Variants in CADPS2 observed in about 807,000 individuals in gnomAD.
The protein encoded by CADPS2 is calcium dependent secretion activator 2, also known as calcium-dependent secretion activator 2.
CADPS2 carries 93 observed loss-of-function variants against 172.5 expected under a neutral mutation model. That is an observed-to-expected ratio of 0.54 (90% CI 0.46 to 0.64). CADPS2 has a LOEUF of 0.64. Among genes scored for constraint, CADPS2 ranks in the 30% least tolerant of loss-of-function variants. The probability of loss-of-function intolerance (pLI) is 0.00; values close to 1 mark genes in which losing one functional copy is unlikely to be tolerated. For missense variants in CADPS2, 1,420 were observed against 1,565.9 expected, an observed-to-expected ratio of 0.91 and a Z score of 1.57; for synonymous variants, 546 against 555.2, an observed-to-expected ratio of 0.98 and a Z score of 0.23.
At position 122,325,463 on chromosome 7, in the gene CADPS2, C is replaced by T. The variant is rs373764661; in HGVS notation, c.3717+14G>A. 28 of 1,548,310 alleles carry T rather than the reference C, an allele frequency of 1.8e-5. No homozygotes were observed. The Admixed American group carries it at 4.0e-4, about 22-fold the overall frequency. ...GCTTAGTGGGCAATTCATATCTAAA[C>T]ACATTTTGTTTACCTTCACAATCTT... is the stretch of plus-strand genomic sequence containing the variant. On this transcript the variant is annotated intron_variant, in intron 29 of 29. Coordinates refer to ENST00000449022, the MANE Select transcript of CADPS2 (RefSeq NM_017954.11).
At chr7:122,805,059 A>G (rs1375345505) in intron 1 of CADPS2, among the ~76,000 whole-genome samples, 1 of 152,190 alleles carries the variant, frequency 6.6e-6, no homozygotes, top group African/African-American at 2.4e-5. Flanking sequence ...ATTAACTACA[A>G]GTTTCTTAAG....
At chr7:122,398,959 T>C (rs555111970) in intron 20 of CADPS2, among the ~76,000 whole-genome samples, 2 of 152,274 alleles carry the variant, frequency 1.3e-5, no homozygotes, top group African/African-American at 2.4e-5. Flanking sequence ...CTGGATTCTA[T>C]TGTCCTTTTA....
Position 122,451,376 on chromosome 7 carries a change from G to C in CADPS2, c.2286C>G (p.Phe762Leu). ...TATATTAATAAAAAAATATATACCT[G>C]AAATGGCTTATCTGATTTTCTAAAA... Reference protein sequence around the residue: ...SSLLENQISHFRYCFPFGRPE... With the variant: ...SSLLENQISHLRYCFPFGRPE... Residue 762 changes from phenylalanine (F) to leucine (L), a missense_variant and splice_region_variant, in exon 15 of 30, where the codon TTC becomes TTG. Coordinates refer to ENST00000449022, the MANE Select transcript of CADPS2 (RefSeq NM_017954.11). 3 of 1,442,186 alleles carry C rather than the reference G, an allele frequency of 2.1e-6. No homozygotes were observed. Among genetic ancestry groups the C allele is most frequent in the East Asian group, 2.4e-5 (1 of 42,214 alleles). 89.3% of individuals were successfully genotyped at this position (1,442,186 alleles called of 1,614,324 possible).
At chr7:122,491,481 GT>G (rs902401244) in intron 9 of CADPS2, 61 bp from the exon 10 acceptor site, 38 of 805,050 alleles carry the variant, frequency 4.7e-5, no homozygotes, top group Middle Eastern at 2.3e-4. Context: ...TTTAACTTTC[GT>G]TTTTTTATCA....
intron 6 of CADPS2, among the ~76,000 whole-genome samples, chr7:122,582,057 C>G (rs1322823138): frequency 6.6e-6 from 1 of 151,812 alleles, no homozygotes; most frequent in East Asian, 1.9e-4. Flanking sequence ...TCTCACAACT[C>G]TGAGAGATCA....
chr7:122,677,281 G>A (rs1274131168), intron 2 of CADPS2, among the ~76,000 whole-genome samples: 1 of 152,206 alleles, frequency 6.6e-6, no homozygotes, highest in Non-Finnish European at 1.5e-5. Context: ...CTTCCCTGAG[G>A]AGGTGAGCAG....
At chr7:122,368,967 A>C (rs896582164) in intron 25 of CADPS2, among the ~76,000 whole-genome samples, 1 of 152,178 alleles carries the variant, frequency 6.6e-6, no homozygotes, top group Non-Finnish European at 1.5e-5. Context: ...CTAGAATCCA[A>C]CTTTTCTGAT....
chr7:122,873,830 CTAT>C (rs1284184599), intron 1 of CADPS2, among the ~76,000 whole-genome samples: 1 of 152,138 alleles, frequency 6.6e-6, no homozygotes, highest in African/African-American at 2.4e-5. Context: ...TCTCCAACAT[CTAT>C]TGTTTCCTTT....
chr7:122,748,017 G>T (rs1448748750), intron 1 of CADPS2, among the ~76,000 whole-genome samples: 1 of 152,120 alleles, frequency 6.6e-6, no homozygotes, highest in African/African-American at 2.4e-5. Flanking sequence ...CTAGGATGCA[G>T]ATTTCTTCAA....
At chr7:122,501,774 C>G (rs2059220615) in intron 9 of CADPS2, among the ~76,000 whole-genome samples, 1 of 148,712 alleles carries the variant, frequency 6.7e-6, no homozygotes, top group Non-Finnish European at 1.5e-5. Flanking sequence ...ACTCGGGAGG[C>G]TGAGGCAGGA....
intron 2 of CADPS2, among the ~76,000 whole-genome samples, chr7:122,726,881 A>G (rs567976535): frequency 1.3e-5 from 2 of 152,108 alleles, no homozygotes; most frequent in African/African-American, 4.8e-5. Context: ...AGCTGACAAG[A>G]TAAAGTAAAA....
At chr7:122,343,374 G>A (rs1331505244) in intron 28 of CADPS2, among the ~76,000 whole-genome samples, 1 of 152,172 alleles carries the variant, frequency 6.6e-6, no homozygotes, top group Non-Finnish European at 1.5e-5. Context: ...GGCATTGAAT[G>A]AAAGTATATA....
chr7:122,363,295 G>T (rs1279537578), intron 25 of CADPS2, among the ~76,000 whole-genome samples: 1 of 152,164 alleles, frequency 6.6e-6, no homozygotes, highest in Non-Finnish European at 1.5e-5. Context: ...TTTGCCACGA[G>T]GACAGCGGCA....
intron 12 of CADPS2, chr7:122,480,175 T>C (rs1260926832): frequency 2.1e-6 from 1 of 467,598 alleles, no homozygotes; most frequent in East Asian, 7.0e-5. Flanking sequence ...AGAATTTTTA[T>C]ATATCCAGAG....
chr7:122,431,557 G>C (rs978158904), intron 17 of CADPS2, among the ~76,000 whole-genome samples: 1 of 152,126 alleles, frequency 6.6e-6, no homozygotes, highest in Non-Finnish European at 1.5e-5. Context: ...CTCGTCAAGG[G>C]CGGGGAGTGT....
chr7:122,579,450 AATATATATAT>A (rs3034498), intron 7 of CADPS2, among the ~76,000 whole-genome samples: 14 of 128,666 alleles, frequency 1.1e-4, no homozygotes, highest in African/African-American at 2.1e-4. Flanking sequence ...AATTGCATCG[AATATATATAT>A]ATATATATAT....
intron 1 of CADPS2, among the ~76,000 whole-genome samples, chr7:122,833,314 AGAATTAAT>A (rs1183519674): frequency 6.6e-6 from 1 of 152,210 alleles, no homozygotes; most frequent in African/African-American, 2.4e-5. Flanking sequence ...AATTCAAGAA[AGAATTAAT>A]AAATTGATAT....
chr7:122,830,498 CAGT>C (rs1806222221), intron 1 of CADPS2, among the ~76,000 whole-genome samples: 1 of 151,808 alleles, frequency 6.6e-6, no homozygotes, highest in South Asian at 2.1e-4. Flanking sequence ...AATAAGCAAA[CAGT>C]AGTTATCAAA....
chr7:122,773,491 T>G (rs989138075), intron 1 of CADPS2, among the ~76,000 whole-genome samples: 4 of 151,982 alleles, frequency 2.6e-5, no homozygotes, highest in Admixed American at 6.5e-5. Context: ...ATAGAAAAGA[T>G]AAATGGATCA....
Sources: gnomAD v4.1 joint callset for allele counts (sites outside exome capture counted in the v4.1 genomes callset) on GRCh38, gnomAD v4.1.1 for gene constraint, MANE v1.5 for transcripts, NCBI Gene and HGNC (gene_info 2026-07-23, HGNC 2026-07-21) for gene names.